The following MECOM variants were observed in gnomAD, a reference collection of about 807,000 sequenced individuals.
MECOM encodes histone-lysine N-methyltransferase MECOM.
In MECOM, 13 loss-of-function variants were observed where a neutral mutation model predicts 116.3. That is an observed-to-expected ratio of 0.11 (90% CI 0.07 to 0.18). The LOEUF (loss-of-function observed/expected upper bound fraction) is 0.18. Ranked by LOEUF, MECOM falls within the 10% of genes least tolerant of loss-of-function variation. MECOM has a pLI of 1.00. For missense variants in MECOM, 1,299 were observed against 1,509.0 expected (o/e 0.86, Z 2.31); for synonymous variants, 528 against 535.2 (o/e 0.99, Z 0.19).
Position 169,604,038 on chromosome 3 carries a change from T to G in MECOM, c.37+59298A>C, listed in dbSNP as rs184879223. On this transcript the variant is annotated intron_variant, in intron 1 of 16. Transcript: ENST00000651503. Reference sequence around the variant, plus strand: ...TTTTTAAAGTTTCTAAGGAAGTTTGTGTAATTGCCTTTTTCTCTAAGCGAA... The same window carrying G: ...TTTTTAAAGTTTCTAAGGAAGTTTGGGTAATTGCCTTTTTCTCTAAGCGAA... 5.3e-5 allele frequency among the ~76,000 whole-genome samples: 8 copies of G among 152,288 alleles called. No individual in the cohort carries two copies. The East Asian group carries it at 1.5e-3, about 29-fold the overall frequency.
intron 1 of MECOM, among the ~76,000 whole-genome samples, chr3:169,419,363 T>G (rs534797818): frequency 1.3e-5 from 2 of 152,092 alleles, no homozygotes; most frequent in Non-Finnish European, 2.9e-5. Context: ...CAGGCTACCA[T>G]TGACTTTCTT....
intron 1 of MECOM, among the ~76,000 whole-genome samples, chr3:169,543,821 C>G (rs909404419): frequency 6.6e-6 from 1 of 152,132 alleles, no homozygotes; most frequent in Non-Finnish European, 1.5e-5. Flanking sequence ...TTCCTTTAAA[C>G]TTTAAGTATC....
At chr3:169,176,056 G>T (rs1745110618) in intron 2 of MECOM, among the ~76,000 whole-genome samples, 1 of 148,280 alleles carries the variant, frequency 6.7e-6, no homozygotes, top group African/African-American at 2.5e-5. Flanking sequence ...ACTGGAAGAA[G>T]AATTATCTTG....
At chr3:169,163,781 G>A (rs1028848096) in intron 2 of MECOM, among the ~76,000 whole-genome samples, 7 of 152,140 alleles carry the variant, frequency 4.6e-5, no homozygotes, top group Non-Finnish European at 7.3e-5. Context: ...TGGTAATTGG[G>A]AGTTGGCATT....
intron 9 of MECOM, among the ~76,000 whole-genome samples, chr3:169,109,269 A>C (rs945701874): frequency 2.6e-5 from 4 of 152,206 alleles, no homozygotes; most frequent in African/African-American, 7.2e-5. Flanking sequence ...CCTTAGAGTA[A>C]ACTAACTTAT....
At position 169,360,976 on chromosome 3, in the gene MECOM, C is replaced by G. The variant is rs1451349371; in HGVS notation, c.375+20211G>C. Among the ~76,000 whole-genome samples, 5 of 151,760 alleles carry G rather than the reference C, an allele frequency of 3.3e-5. No homozygotes were observed. The South Asian group carries it at 8.3e-4, about 25-fold the overall frequency. ...TAGAGAAAACCAGCTAGATTACACT[C>G]TGGCTGAAGCCTGAGGAGGCAGAGT... On this transcript the variant is annotated intron_variant, in intron 2 of 16. Coordinates refer to ENST00000651503, the MANE Select transcript of MECOM (RefSeq NM_004991.4).
At chr3:169,604,855 A>T (rs1288439785) in intron 1 of MECOM, among the ~76,000 whole-genome samples, 2 of 152,222 alleles carry the variant, frequency 1.3e-5, no homozygotes, top group Non-Finnish European at 2.9e-5. Context: ...GCTGTTGGAC[A>T]TTGAGCTTGT....
At chr3:169,373,373 T>A (rs1234633212) in intron 2 of MECOM, among the ~76,000 whole-genome samples, 1 of 151,944 alleles carries the variant, frequency 6.6e-6, no homozygotes, top group Non-Finnish European at 1.5e-5. Flanking sequence ...AAACAAAGGA[T>A]TTTCCAAAGT....
chr3:169,530,216 G>T (rs745345658), intron 1 of MECOM, among the ~76,000 whole-genome samples: 18 of 152,158 alleles, frequency 1.2e-4, no homozygotes, highest in Non-Finnish European at 2.1e-4. Flanking sequence ...GTTCCCAGTT[G>T]ATGTTTACAT....
intron 12 of MECOM, among the ~76,000 whole-genome samples, chr3:169,095,978 T>C (rs1335228028): frequency 6.6e-6 from 1 of 152,178 alleles, no homozygotes; most frequent in Non-Finnish European, 1.5e-5. Flanking sequence ...TGAATCAGGT[T>C]GGTTTTTCAT....
chr3:169,662,481 T>C (rs1468341773), intron 1 of MECOM, among the ~76,000 whole-genome samples: 4 of 151,950 alleles, frequency 2.6e-5, no homozygotes, highest in African/African-American at 9.7e-5. Flanking sequence ...TCGCTGGGCC[T>C]CTTCTCTCCC....
chr3:169,482,454 C>G (rs917979990), intron 1 of MECOM, among the ~76,000 whole-genome samples: 6 of 151,782 alleles, frequency 4.0e-5, no homozygotes, highest in Non-Finnish European at 5.9e-5. Flanking sequence ...GCCTCAGCCT[C>G]CCGAGTAGCT....
chr3:169,339,168 T>C (rs1724064236), intron 2 of MECOM, among the ~76,000 whole-genome samples: 1 of 152,208 alleles, frequency 6.6e-6, no homozygotes, highest in African/African-American at 2.4e-5. Context: ...TCCCCTGTTT[T>C]ATTATCTGTC....
intron 2 of MECOM, among the ~76,000 whole-genome samples, chr3:169,147,947 GA>G (rs1314355963): frequency 6.6e-6 from 1 of 151,930 alleles, no homozygotes; most frequent in Admixed American, 6.6e-5. Context: ...AAATAGTTTA[GA>G]AATTCTCAGA....
intron 1 of MECOM, among the ~76,000 whole-genome samples, chr3:169,471,740 T>C (rs1040768617): frequency 1.3e-5 from 2 of 152,210 alleles, no homozygotes; most frequent in African/African-American, 2.4e-5. Flanking sequence ...ATCACATTTG[T>C]ATAATTTTGG....
chr3:169,645,661 C>T lies in MECOM; in HGVS notation c.37+17675G>A, dbSNP rs140021769. On this transcript the variant is annotated intron_variant, in intron 1 of 16. Transcript: ENST00000651503. ...CTCTCATCTATTGCGGCTACAAAGG[C>T]CAGAAATCATAGGCAGAAAGCAAGA... Among the ~76,000 whole-genome samples the T allele has an allele frequency of 4.2e-4, 64 of 152,260 alleles. No homozygotes were observed. The Middle Eastern group carries it at 0.014, about 32-fold the overall frequency.
chr3:169,220,939 A>G (rs932748190), intron 2 of MECOM, among the ~76,000 whole-genome samples: 7 of 152,222 alleles, frequency 4.6e-5, no homozygotes, highest in African/African-American at 1.7e-4. Flanking sequence ...TGCTAAATCA[A>G]TGAATAAAGG....
At chr3:169,263,127 A>ATAT (rs1757800705) in intron 2 of MECOM, among the ~76,000 whole-genome samples, 8 of 19,616 alleles carry the variant, frequency 4.1e-4, no homozygotes, top group African/African-American at 7.1e-4. Context: ...ATATATATAT[A>ATAT]TGTTTTTTTT....
chr3:169,560,801 C>G (rs1762549188), intron 1 of MECOM, among the ~76,000 whole-genome samples: 1 of 151,984 alleles, frequency 6.6e-6, no homozygotes, highest in Non-Finnish European at 1.5e-5. Context: ...AAAAAACAGA[C>G]TAGCAGCAAA....
Sources: allele counts gnomAD v4.1 joint callset (sites outside exome capture counted in the v4.1 genomes callset), GRCh38; gene constraint gnomAD v4.1.1; transcripts MANE v1.5; gene names NCBI Gene and HGNC (gene_info 2026-07-23, HGNC 2026-07-21).